The following ATP6V1H variants were observed in gnomAD, a reference collection of about 807,000 sequenced individuals.
ATP6V1H encodes the protein ATPase H+ transporting V1 subunit H.
In ATP6V1H, 39 loss-of-function variants were observed where a neutral mutation model predicts 71.7. The ratio of observed to expected loss-of-function variants is 0.54; its 90% CI spans 0.42 to 0.71. The LOEUF is 0.71. Ranked by LOEUF, ATP6V1H falls within the 30% of genes least tolerant of loss-of-function variation. The pLI is 0.00. For synonymous variants in ATP6V1H, 192 were observed against 199.3 expected (o/e 0.96, Z 0.31); for missense variants, 509 against 594.9 (o/e 0.86, Z 1.50).
chr8:53,828,799 A>C (rs1391994118), intron 4 of ATP6V1H, among the ~76,000 whole-genome samples: 5 of 151,900 alleles, frequency 3.3e-5, no homozygotes, highest in Non-Finnish European at 7.4e-5. Context: ...ACCCAGACTG[A>C]CTCTTTCCTT....
chr8:53,792,011 C>T (rs754331293), intron 9 of ATP6V1H, among the ~76,000 whole-genome samples: 4 of 152,138 alleles, frequency 2.6e-5, no homozygotes, highest in Admixed American at 6.5e-5. Flanking sequence ...GATAATGAAG[C>T]ACTTAAGTAG....
intron 9 of ATP6V1H, among the ~76,000 whole-genome samples, chr8:53,786,100 T>C (rs1373630967): frequency 6.6e-6 from 1 of 152,246 alleles, no homozygotes; most frequent in Non-Finnish European, 1.5e-5. Context: ...CAGAGGTTAC[T>C]GCTGCCTTTT....
At chr8:53,753,326 C>T (rs911848218) in intron 12 of ATP6V1H, among the ~76,000 whole-genome samples, 7 of 152,064 alleles carry the variant, frequency 4.6e-5, no homozygotes, top group Admixed American at 2.0e-4. Flanking sequence ...AGGAAAAGCA[C>T]GGAGGATCGA....
chr8:53,795,536 G>A (rs1352835847), intron 9 of ATP6V1H, 111 bp downstream of exon 9: 3 of 963,818 alleles, frequency 3.1e-6, no homozygotes, highest in African/African-American at 1.7e-5. Context: ...AGACTCTATG[G>A]TTTCATAACC....
chr8:53,814,550 C>T (rs545417050), intron 6 of ATP6V1H, 112 bp downstream of exon 6: 13 of 624,476 alleles, frequency 2.1e-5, no homozygotes, highest in Middle Eastern at 4.4e-4. Context: ...AAGTTCAAAA[C>T]GGCATTATTT....
rs532071461 is a variant in ATP6V1H at position 53,753,267 on chromosome 8, T to C, written c.1277+3288A>G. 1.1e-4 allele frequency among the ~76,000 whole-genome samples: 16 copies of C among 152,202 alleles called. No homozygotes were observed. In the East Asian group the frequency reaches 3.1e-3, roughly 29 times the overall value. ...GTAAATATAAGCCACTGGAAGGACA[T>C]AGAAAAGAATTAGCATGGCCACAGT... is the stretch of plus-strand genomic sequence containing the variant. On this transcript the variant is annotated intron_variant, in intron 12 of 13. Transcript: ENST00000359530.
At chr8:53,782,672 G>T (rs1291336681) in intron 9 of ATP6V1H, among the ~76,000 whole-genome samples, 4 of 152,178 alleles carry the variant, frequency 2.6e-5, no homozygotes, top group African/African-American at 7.2e-5. Flanking sequence ...GATATTGGCT[G>T]TGGGTTTCTC....
At chr8:53,716,292 C>T (rs1165065101) in intron 13 of ATP6V1H, among the ~76,000 whole-genome samples, 2 of 152,274 alleles carry the variant, frequency 1.3e-5, no homozygotes, top group East Asian at 3.9e-4. Context: ...ATTACGATTA[C>T]ACAAACAGGT....
intron 2 of ATP6V1H, among the ~76,000 whole-genome samples, chr8:53,838,355 G>A (rs1399771118): frequency 1.3e-5 from 2 of 152,090 alleles, no homozygotes; most frequent in African/African-American, 4.8e-5. Flanking sequence ...CTGACCTCAG[G>A]TGATCCACCC....
At chr8:53,724,494 C>T (rs901605454) in intron 13 of ATP6V1H, among the ~76,000 whole-genome samples, 2 of 151,872 alleles carry the variant, frequency 1.3e-5, no homozygotes, top group Admixed American at 6.6e-5. Flanking sequence ...GGCCAGAAGA[C>T]TGAGTAAGGG....
chr8:53,813,178 C>A (rs1212530423), intron 6 of ATP6V1H, among the ~76,000 whole-genome samples: 1 of 152,110 alleles, frequency 6.6e-6, no homozygotes, highest in Non-Finnish European at 1.5e-5. Context: ...CTCACAAACT[C>A]AATAAAATGG....
intron 6 of ATP6V1H, among the ~76,000 whole-genome samples, chr8:53,812,993 C>T (rs1467847865): frequency 6.6e-6 from 1 of 152,106 alleles, no homozygotes; most frequent in Non-Finnish European, 1.5e-5. Flanking sequence ...CCACACCAGG[C>T]CTGGAATGAA....
At chr8:53,824,337 A>G (rs146932345) in intron 4 of ATP6V1H, among the ~76,000 whole-genome samples, 2 of 152,316 alleles carry the variant, frequency 1.3e-5, no homozygotes, top group Admixed American at 1.3e-4. Context: ...GTTGCAAAGC[A>G]TAGCAAATAA....
intron 9 of ATP6V1H, among the ~76,000 whole-genome samples, chr8:53,792,887 G>A (rs921023479): frequency 6.6e-6 from 1 of 152,108 alleles, no homozygotes; most frequent in Admixed American, 6.6e-5. Context: ...TAAATCCCTG[G>A]TCTGCCACTT....
chr8:53,822,806 GCAGA>G (rs1231749700), intron 4 of ATP6V1H, among the ~76,000 whole-genome samples: 5 of 152,092 alleles, frequency 3.3e-5, no homozygotes, highest in Admixed American at 6.5e-5. Context: ...GCAAAGATAT[GCAGA>G]CAATCAGAAA....
Position 53,811,203 on chromosome 8 carries a change from G to A in ATP6V1H, c.540C>T (p.Ser180=), listed in dbSNP as rs373947892. The A allele has an allele frequency of 3.0e-5, 48 of 1,612,736 alleles. No homozygotes were observed. The highest frequency in any genetic ancestry group is 1.1e-4 in the African/African-American group (8 of 74,860). ...TQLSSQKLRG[S]GVAVETGTVS... is the part of the protein sequence containing the mutation. ...CTGTTCCTGTTTCAACAGCAACACC[G>A]CTACCACGCAGTTTCTATTACGAAA... The change falls in exon 7 of 14, where the codon AGC becomes AGT. Residue 180 remains serine (S), a synonymous_variant. Transcript: ENST00000359530.
chr8:53,832,951 G>C (rs1184728226), intron 3 of ATP6V1H, 33 bp downstream of exon 3: 1 of 1,415,850 alleles, frequency 7.1e-7, no homozygotes, highest in East Asian at 2.3e-5. Flanking sequence ...GATGACACGG[G>C]GAAGTGTTCA....
intron 12 of ATP6V1H, among the ~76,000 whole-genome samples, chr8:53,750,537 G>A (rs754666149): frequency 3.9e-5 from 6 of 152,140 alleles, no homozygotes; most frequent in African/African-American, 7.2e-5. Flanking sequence ...AAGAACGTAT[G>A]GATGATGTTA....
At chr8:53,812,516 CA>C (rs1413644634) in intron 6 of ATP6V1H, among the ~76,000 whole-genome samples, 1 of 152,162 alleles carries the variant, frequency 6.6e-6, no homozygotes, top group African/African-American at 2.4e-5. Context: ...CTGAGAGGCA[CA>C]ATGTATCTGT....
Sources: gnomAD v4.1 joint callset for allele counts (sites outside exome capture counted in the v4.1 genomes callset) on GRCh38, gnomAD v4.1.1 for gene constraint, MANE v1.5 for transcripts, NCBI Gene and HGNC (gene_info 2026-07-23, HGNC 2026-07-21) for gene names.